Variants in ZFP62 observed in about 807,000 individuals in gnomAD.
The protein encoded by ZFP62 is zinc finger protein 62 homolog.
ZFP62 carries 44 observed loss-of-function variants against 56.4 expected under a neutral mutation model. The ratio of observed to expected loss-of-function variants is 0.78; its 90% confidence interval spans 0.61 to 1.00. The LOEUF is 1.00. Ranked by LOEUF, ZFP62 falls within the 50% of genes least tolerant of loss-of-function variation. The pLI is 0.00. For missense variants in ZFP62, 1,030 were observed against 1,085.7 expected (o/e 0.95, Z 0.72); for synonymous variants, 421 against 388.9 (o/e 1.08, Z -0.97).
At chr5:180,844,319 T>A (rs1450597382), downstream of ZFP62, among the ~76,000 whole-genome samples, 2 of 152,204 alleles carry the variant, frequency 1.3e-5, no homozygotes, top group Non-Finnish European at 2.9e-5. Flanking sequence ...AATAAATCCA[T>A]ATTATTGCAC....
rs563184313 is a variant in ZFP62 at position 180,853,740 on chromosome 5, G to A, written c.2-2247C>T. On this transcript the variant is annotated intron_variant, in intron 1 of 1. Coordinates refer to ENST00000502412, the MANE Select transcript of ZFP62 (RefSeq NM_001172638.2). The stretch of plus-strand genomic sequence containing the variant: ...GGGGAAAGCTGGAGGCGGGGCAGTG[G>A]GAAGAGGTACAAATAATTCAACTGT... 9.2e-5 allele frequency among the ~76,000 whole-genome samples: 14 copies of A among 152,318 alleles called. No individual in the cohort carries two copies. In the East Asian group the frequency reaches 2.5e-3, roughly 27 times the overall value.
At chr5:180,843,450 G>A (rs984777979), downstream of ZFP62, among the ~76,000 whole-genome samples, 1 of 151,886 alleles carries the variant, frequency 6.6e-6, no homozygotes, top group African/African-American at 2.4e-5. Context: ...ATTTCCAAGA[G>A]GTACATCTAA....
downstream of ZFP62, among the ~76,000 whole-genome samples, chr5:180,844,282 T>C (rs915521720): frequency 2.6e-5 from 4 of 152,250 alleles, no homozygotes; most frequent in African/African-American, 4.8e-5. Context: ...TCCCTCATTT[T>C]ACAGATGGGA....
chr5:180,852,836 A>G (rs143889526), intron 1 of ZFP62, among the ~76,000 whole-genome samples: 2 of 152,380 alleles, frequency 1.3e-5, no homozygotes, highest in Admixed American at 1.3e-4. Flanking sequence ...AATGGTCCTT[A>G]AACATTCGAC....
the ZFP62 span, chr5:180,830,262 G>A: frequency 6.6e-6 from 1 of 152,262 alleles, no homozygotes; most frequent in Non-Finnish European, 1.5e-5. Context: ...GAGGTCTCAT[G>A]GCTTCTCGCA....
downstream of ZFP62, among the ~76,000 whole-genome samples, chr5:180,843,391 G>A (rs996458299): frequency 1.3e-5 from 2 of 152,062 alleles, no homozygotes; most frequent in Non-Finnish European, 2.9e-5. Flanking sequence ...AGGGCTAAAT[G>A]ATCCTGTTAA....
In ZFP62 at chr5:180,848,919, T is replaced by C; in HGVS notation, c.2576A>G (p.Lys859Arg). 1.3e-6 allele frequency: 2 copies of C among 1,551,746 alleles called. No individual in the cohort carries two copies. The highest frequency in any genetic ancestry group is 1.7e-6 in the Non-Finnish European group (2 of 1,147,008). ...FNIRSNLTKHKRTHTGEESLN... is the reference protein window; with the variant it reads ...FNIRSNLTKHRRTHTGEESLN... ...AGATTCCTCTCCAGTATGGGTTCTTTTATGCTTGGTGAGATTTGATCTGAT... is the reference window on the plus strand; with the variant it reads ...AGATTCCTCTCCAGTATGGGTTCTTCTATGCTTGGTGAGATTTGATCTGAT... The change falls in exon 2 of 2, where the codon AAA becomes AGA. Residue 859 changes from lysine (K) to arginine (R), a missense_variant. Lys to Arg is a conservative substitution (Grantham distance 26). Coordinates refer to ENST00000502412, the MANE Select transcript of ZFP62 (RefSeq NM_001172638.2).
chr5:180,840,528 G>A, the ZFP62 span, among the ~76,000 whole-genome samples: 1 of 152,180 alleles, frequency 6.6e-6, no homozygotes, highest in Admixed American at 6.5e-5. Context: ...GGAGGCTGAG[G>A]CAGGTGGATC....
intron 1 of ZFP62, among the ~76,000 whole-genome samples, chr5:180,859,071 C>CTCAGGAGCCACTTT (rs1312223223): frequency 6.6e-6 from 1 of 152,206 alleles, no homozygotes; most frequent in Non-Finnish European, 1.5e-5. Context: ...GCCTCCGAGA[C>CTCAGGAGCCACTTT]TCAGGAGCCA....
rs762526322 is a variant in ZFP62, at chr5:180,850,159, C to T, written c.1336G>A (p.Glu446Lys). 6.4e-7 allele frequency: 1 copy of T among 1,551,816 alleles called. No homozygotes were observed. Among genetic ancestry groups the T allele is most frequent in the South Asian group, 1.2e-5 (1 of 84,072 alleles). Residue 446 changes from glutamate (E) to lysine (K), a missense_variant, in exon 2 of 2, where the codon GAG (glutamate) becomes AAG (lysine). Physicochemically the swap from Glu to Lys is moderately conservative, Grantham distance 56 (BLOSUM62 1). Coordinates refer to ENST00000502412, the MANE Select transcript of ZFP62 (RefSeq NM_001172638.2). ...LLQHRTIHTG[E>K]RPYVCDVCGK... ...CACACATCACATACATAAGGTCTCT[C>T]TCCGGTATGAATAGTTCTGTGTTGA... is the stretch of plus-strand genomic sequence containing the variant.
the ZFP62 span, among the ~76,000 whole-genome samples, chr5:180,838,005 T>A: frequency 6.6e-6 from 1 of 152,218 alleles, no homozygotes; most frequent in South Asian, 2.1e-4. Context: ...TTGTTGAGGA[T>A]GTTGACTCTC....
the ZFP62 span, among the ~76,000 whole-genome samples, chr5:180,835,944 G>A: frequency 4.7e-3 from 717 of 152,346 alleles, 20 homozygotes; most frequent in East Asian, 0.079. Flanking sequence ...AGCAGGCTGC[G>A]TTTCTGACAG....
chr5:180,846,787 T>C (rs1773422394), downstream of ZFP62, among the ~76,000 whole-genome samples: 1 of 152,192 alleles, frequency 6.6e-6, no homozygotes, highest in Non-Finnish European at 1.5e-5. Flanking sequence ...CTACTCCTGC[T>C]GCCATCCTCT....
Position 180,849,152 on chromosome 5 carries a change from A to G in ZFP62, c.2343T>C (p.Gly781=). 6.4e-7 allele frequency: 1 copy of G among 1,562,306 alleles called. No individual in the cohort carries two copies. Among genetic ancestry groups the G allele is most frequent in the Non-Finnish European group, 8.7e-7 (1 of 1,153,840 alleles). The part of the protein sequence containing the change: ...GLTVHKRIHT[G]EKPYECDECG... The stretch of plus-strand genomic sequence containing the variant: ...ACTCATCACATTCATAGGGTTTCTC[A>G]CCTGTGTGGATCCTTTTATGCACTG... Residue 781 remains glycine (G), a synonymous_variant, in exon 2 of 2, where the codon GGT becomes GGC. Coordinates refer to ENST00000502412, the MANE Select transcript of ZFP62 (RefSeq NM_001172638.2).
At chr5:180,853,733 G>A (rs2113697855) in intron 1 of ZFP62, among the ~76,000 whole-genome samples, 1 of 152,300 alleles carries the variant, frequency 6.6e-6, no homozygotes, top group Admixed American at 6.5e-5. Context: ...CTGGAGGCGG[G>A]GCAGTGGGAA....
the ZFP62 span, among the ~76,000 whole-genome samples, chr5:180,840,952 A>G: frequency 1.3e-5 from 2 of 152,238 alleles, no homozygotes. Context: ...AGCGTCCAGA[A>G]AAAGAAGGAC....
chr5:180,826,961 G>T, the ZFP62 span, among the ~76,000 whole-genome samples: 1 of 152,190 alleles, frequency 6.6e-6, no homozygotes, highest in African/African-American at 2.4e-5. Flanking sequence ...CATGAGAAGA[G>T]AAATGGTCTT....
rs560670376 is a variant in ZFP62 at position 180,855,462 on chromosome 5, C to T, written c.2-3969G>A. On this transcript the variant is annotated intron_variant, in intron 1 of 1. Coordinates refer to ENST00000502412, the MANE Select transcript of ZFP62 (RefSeq NM_001172638.2). ...TCTTCAGGCTGCTGCTTGCCCTCCG[C>T]GCTGCTGCCCCTGGATGTTTCTGGC... is the stretch of plus-strand genomic sequence containing the variant. Among the ~76,000 whole-genome samples, 40 of 152,256 alleles carry T rather than the reference C, an allele frequency of 2.6e-4. No individual in the cohort carries two copies. The South Asian group carries it at 7.7e-3, about 29-fold the overall frequency.
chr5:180,850,055 A>G lies in ZFP62; in HGVS notation c.1440T>C (p.Asp480=), dbSNP rs1431405320. 1.3e-6 allele frequency: 2 copies of G among 1,551,808 alleles called. No individual in the cohort carries two copies. Among genetic ancestry groups the G allele is most frequent in the East Asian group, 2.4e-5 (1 of 40,910 alleles). ...LHTGEKPYKC[D]VCGKAYISRS... is the part of the protein sequence containing the mutation. Reference sequence around the variant, plus strand: ...GTGAGATATAGGCTTTCCCACACACATCACACTTATATGGTTTTTCCCCAG... The same window carrying G: ...GTGAGATATAGGCTTTCCCACACACGTCACACTTATATGGTTTTTCCCCAG... Residue 480 remains aspartate, a synonymous_variant, in exon 2 of 2, where the codon GAT becomes GAC. Coordinates refer to ENST00000502412, the MANE Select transcript of ZFP62 (RefSeq NM_001172638.2).
Sources: allele counts gnomAD v4.1 joint callset (sites outside exome capture counted in the v4.1 genomes callset), GRCh38; gene constraint gnomAD v4.1.1; transcripts MANE v1.5; gene names NCBI Gene and HGNC (gene_info 2026-07-23, HGNC 2026-07-21).